The following FSHR variants were observed in gnomAD, a reference collection of about 807,000 sequenced individuals.
The protein encoded by FSHR is follicle stimulating hormone receptor.
FSHR carries 46 observed loss-of-function variants against 52.1 expected under a neutral mutation model. That is an observed-to-expected ratio of 0.88 (90% CI 0.70 to 1.13). FSHR has a LOEUF of 1.13. FSHR is among the 50% of genes most tolerant of loss of function. The pLI, the probability that FSHR is intolerant of heterozygous loss-of-function variation, is 0.00. For missense variants in FSHR, 964 were observed against 834.6 expected, an observed-to-expected ratio of 1.16 and a Z score of -1.91; for synonymous variants, 399 against 309.6, an observed-to-expected ratio of 1.29 and a Z score of -3.03.
At chr2:49,106,419 G>A (rs549170513) in intron 1 of FSHR, among the ~76,000 whole-genome samples, 44 of 152,244 alleles carry the variant, frequency 2.9e-4, no homozygotes, top group African/African-American at 1.1e-3. Flanking sequence ...GTGCATGGGG[G>A]AAGGCAATGA....
intron 2 of FSHR, among the ~76,000 whole-genome samples, chr2:49,037,507 A>G (rs1668309151): frequency 6.6e-6 from 1 of 152,230 alleles, no homozygotes; most frequent in Non-Finnish European, 1.5e-5. Context: ...AAGCTGCAGC[A>G]GATTTTAAAA....
At chr2:49,093,870 T>C (rs1403380704) in intron 1 of FSHR, among the ~76,000 whole-genome samples, 1 of 152,136 alleles carries the variant, frequency 6.6e-6, no homozygotes, top group Non-Finnish European at 1.5e-5. Flanking sequence ...TTGCTAGGAT[T>C]ATAGGCATGA....
At position 48,990,646 on chromosome 2, in the gene FSHR, A is replaced by C; in HGVS notation, c.375-9T>G. On this transcript the variant is annotated splice_polypyrimidine_tract_variant and intron_variant, in intron 4 of 9. Transcript: ENST00000406846. ...CTGTGTTGGATATTAACCTAGAGAG[A>C]AACAAAATGAGAGTGAGTGAAAATG... The C allele has an allele frequency of 1.3e-6, 2 of 1,556,978 alleles. No individual in the cohort carries two copies. The highest frequency in any genetic ancestry group is 4.5e-5 in the East Asian group (2 of 44,582).
At chr2:48,990,431 C>G (rs1372409724) in intron 5 of FSHR, 135 bp downstream of exon 5, 17 of 724,602 alleles carry the variant, frequency 2.3e-5, no homozygotes, top group Non-Finnish European at 4.0e-5. Flanking sequence ...CACTTCTGGC[C>G]TCCCTATCTT....
chr2:49,049,906 C>T (rs1668794792), intron 2 of FSHR, among the ~76,000 whole-genome samples: 1 of 150,352 alleles, frequency 6.7e-6, no homozygotes, highest in Admixed American at 6.6e-5. Context: ...CATATAAATA[C>T]AAAGCTAATA....
intron 3 of FSHR, 112 bp from the exon 4 acceptor site, chr2:49,017,675 CAT>C (rs1667537679): frequency 3.9e-6 from 3 of 773,546 alleles, no homozygotes; most frequent in Admixed American, 2.0e-5. Context: ...CTCATCCACC[CAT>C]CTATTCATCC....
In FSHR at chr2:48,963,743, T is replaced by C. The variant is rs1159765440; in HGVS notation, c.1078A>G (p.Met360Val). ...PDAFNPCEDIMGYNILRVLIW... is the reference protein window; with the variant it reads ...PDAFNPCEDIVGYNILRVLIW... ...AGGACTCTGAGGATGTTGTACCCCA[T>C]GATATCTTCACATGGGTTGAATGCA... Residue 360 changes from methionine (M) to valine (V), a missense_variant, in exon 10 of 10, where the codon ATG (methionine) becomes GTG (valine). Met to Val is a conservative substitution (Grantham distance 21). Transcript: ENST00000406846. The C allele has an allele frequency of 6.2e-7, 1 of 1,614,172 alleles. No individual in the cohort carries two copies. Among genetic ancestry groups the C allele is most frequent in the South Asian group, 1.1e-5 (1 of 91,080 alleles).
Position 48,968,787 on chromosome 2 carries a change from C to T in FSHR, c.765G>A (p.Leu255=), listed in dbSNP as rs1674596564. 7.4e-6 allele frequency: 12 copies of T among 1,614,108 alleles called. No homozygotes were observed. Among genetic ancestry groups the T allele is most frequent in the Non-Finnish European group, 1.0e-5 (12 of 1,180,006 alleles). The change falls in exon 9 of 10, where the codon CTG becomes CTA. Residue 255 remains leucine, a synonymous_variant. Transcript: ENST00000406846. ...RARSTYNLKK[L]PTLEKLVALM... Reference sequence around the variant, plus strand: ...GGGCGACAAGCTTTTCCAGAGTAGGCAGCTTTTTTAAGTTGTAAGTCGACC... The same window carrying T: ...GGGCGACAAGCTTTTCCAGAGTAGGTAGCTTTTTTAAGTTGTAAGTCGACC...
intron 1 of FSHR, among the ~76,000 whole-genome samples, chr2:49,089,377 G>C (rs1211836385): frequency 6.6e-6 from 1 of 151,998 alleles, no homozygotes; most frequent in African/African-American, 2.4e-5. Flanking sequence ...ATAATATCAA[G>C]GATACATTCT....
chr2:49,114,519 A>G (rs1034015051), intron 1 of FSHR, among the ~76,000 whole-genome samples: 1 of 152,188 alleles, frequency 6.6e-6, no homozygotes, highest in Admixed American at 6.5e-5. Context: ...ACTGGCTGTA[A>G]TACTAAACAG....
intron 1 of FSHR, among the ~76,000 whole-genome samples, chr2:49,130,948 G>A (rs1672242063): frequency 6.6e-6 from 1 of 152,142 alleles, no homozygotes; most frequent in Non-Finnish European, 1.5e-5. Flanking sequence ...TTCCGGGGAG[G>A]TAAATGGGCT....
At chr2:49,052,911 C>A (rs1414503956) in intron 2 of FSHR, among the ~76,000 whole-genome samples, 1 of 152,188 alleles carries the variant, frequency 6.6e-6, no homozygotes, top group African/African-American at 2.4e-5. Context: ...ACTTCCTTTC[C>A]TTTTATCTGT....
chr2:49,054,302 A>G (rs902418344), intron 2 of FSHR, among the ~76,000 whole-genome samples: 1 of 152,032 alleles, frequency 6.6e-6, no homozygotes, highest in Non-Finnish European at 1.5e-5. Context: ...GAAATAGCCC[A>G]CAGGTTGCTG....
At chr2:48,989,076 T>G in intron 5 of FSHR, 22 bp from the exon 6 acceptor site, 5 of 1,589,234 alleles carry the variant, frequency 3.1e-6, no homozygotes, top group South Asian at 1.1e-5. Flanking sequence ...TACAGACAAA[T>G]AAGATACTTA....
At chr2:48,982,083 A>G (rs1439537167) in intron 8 of FSHR, among the ~76,000 whole-genome samples, 2 of 152,126 alleles carry the variant, frequency 1.3e-5, no homozygotes, top group Non-Finnish European at 2.9e-5. Flanking sequence ...AGAGCCCAGG[A>G]ACACATTTTT....
intron 4 of FSHR, among the ~76,000 whole-genome samples, chr2:49,007,926 G>A (rs1003155130): frequency 1.3e-5 from 2 of 151,968 alleles, no homozygotes; most frequent in Non-Finnish European, 2.9e-5. Flanking sequence ...AAGAGATGAA[G>A]TCTCTTGCAT....
intron 2 of FSHR, among the ~76,000 whole-genome samples, chr2:49,034,024 G>A (rs753793708): frequency 6.6e-6 from 1 of 152,164 alleles, no homozygotes; most frequent in African/African-American, 2.4e-5. Flanking sequence ...AATTGTAGAC[G>A]TCTCTCAGGC....
At chr2:48,984,215 A>G (rs970409500) in intron 6 of FSHR, among the ~76,000 whole-genome samples, 1 of 152,152 alleles carries the variant, frequency 6.6e-6, no homozygotes. Flanking sequence ...TTGAAAACCA[A>G]TTACCTAAAA....
intron 2 of FSHR, among the ~76,000 whole-genome samples, chr2:49,037,109 T>A: frequency 6.6e-6 from 1 of 152,204 alleles, no homozygotes; most frequent in East Asian, 1.9e-4. Flanking sequence ...AAGGAAAATC[T>A]TCCCATTAGA....
Sources: gnomAD v4.1 joint callset for allele counts (sites outside exome capture counted in the v4.1 genomes callset) on GRCh38, gnomAD v4.1.1 for gene constraint, MANE v1.5 for transcripts, NCBI Gene and HGNC (gene_info 2026-07-23, HGNC 2026-07-21) for gene names.